Variants in PTPRM observed in about 807,000 individuals in gnomAD.
The protein encoded by PTPRM is protein tyrosine phosphatase receptor type M.
In PTPRM, 47 loss-of-function variants were observed where a neutral mutation model predicts 186.7. The observed-to-expected ratio is 0.25, with a 90% CI of 0.20 to 0.32. The LOEUF (loss-of-function observed/expected upper bound fraction) is 0.32, where lower values mean the gene tolerates loss of function less well. Ranked by LOEUF, PTPRM falls within the 10% of genes least tolerant of loss-of-function variation. The pLI, the probability that PTPRM is intolerant of heterozygous loss-of-function variation, is 1.00. For synonymous variants in PTPRM, 668 were observed against 674.9 expected, an observed-to-expected ratio of 0.99 and a Z score of 0.16; for missense variants, 1,494 against 1,865.0, an observed-to-expected ratio of 0.80 and a Z score of 3.66.
At chr18:8,103,282 C>T (rs901510010) in intron 11 of PTPRM, among the ~76,000 whole-genome samples, 1 of 152,192 alleles carries the variant, frequency 6.6e-6, no homozygotes, top group African/African-American at 2.4e-5. Context: ...TCCTCTTCAG[C>T]TATGAAAGTC....
intron 20 of PTPRM, among the ~76,000 whole-genome samples, chr18:8,299,634 C>T (rs2095134625): frequency 6.6e-6 from 1 of 152,084 alleles, no homozygotes; most frequent in Non-Finnish European, 1.5e-5. Flanking sequence ...AGATACTGCC[C>T]TCCTAGTAGT....
At chr18:7,640,233 A>T (rs16952280) in intron 1 of PTPRM, among the ~76,000 whole-genome samples, 1 of 152,194 alleles carries the variant, frequency 6.6e-6, no homozygotes, top group African/African-American at 2.4e-5. Flanking sequence ...CAGTACAGGT[A>T]GGCAGAACTT....
At chr18:8,224,645 T>C (rs1171010208) in intron 14 of PTPRM, among the ~76,000 whole-genome samples, 1 of 152,212 alleles carries the variant, frequency 6.6e-6, no homozygotes, top group Admixed American at 6.5e-5. Context: ...CTTGATTCAT[T>C]TGTGACCCAG....
chr18:7,892,224 C>G (rs959332784), intron 3 of PTPRM, among the ~76,000 whole-genome samples: 1 of 152,158 alleles, frequency 6.6e-6, no homozygotes, highest in African/African-American at 2.4e-5. Context: ...TTTCTTGAGA[C>G]CATCACAGCC....
At chr18:8,077,249 C>T (rs763507269) in intron 9 of PTPRM, among the ~76,000 whole-genome samples, 2 of 151,976 alleles carry the variant, frequency 1.3e-5, no homozygotes, top group Non-Finnish European at 2.9e-5. Flanking sequence ...TATTTGAATG[C>T]AAATTCCACA....
chr18:7,677,925 T>C (rs1245592841), intron 1 of PTPRM, among the ~76,000 whole-genome samples: 1 of 152,164 alleles, frequency 6.6e-6, no homozygotes, highest in Non-Finnish European at 1.5e-5. Flanking sequence ...TTATCATCTC[T>C]GCCCTAGGTG....
intron 7 of PTPRM, among the ~76,000 whole-genome samples, chr18:7,987,328 T>A (rs150520873): frequency 1.1e-3 from 174 of 152,332 alleles, no homozygotes; most frequent in African/African-American, 3.9e-3. Flanking sequence ...TGTTAGTGGG[T>A]TGAAGCTGGC....
At chr18:8,238,680 T>G (rs898512963) in intron 14 of PTPRM, among the ~76,000 whole-genome samples, 7 of 142,012 alleles carry the variant, frequency 4.9e-5, no homozygotes, top group South Asian at 2.4e-4. Flanking sequence ...TTTTTTTTTT[T>G]TTTTGCGAAG....
intron 15 of PTPRM, among the ~76,000 whole-genome samples, chr18:8,246,567 C>T (rs2094478381): frequency 1.3e-5 from 2 of 152,100 alleles, no homozygotes; most frequent in Admixed American, 1.3e-4. Context: ...CTTTACCAAC[C>T]ACATAAAAAT....
chr18:8,311,671 A>G (rs1352516664), intron 20 of PTPRM, among the ~76,000 whole-genome samples: 1 of 152,230 alleles, frequency 6.6e-6, no homozygotes, highest in South Asian at 2.1e-4. Context: ...AGTCAACTGT[A>G]CATGTGTCTT....
At position 8,335,062 on chromosome 18, in the gene PTPRM, G is replaced by A. The variant is rs75899058; in HGVS notation, c.2957-8361G>A. ...TTTCCCGAGCTTTGATTCTAAAACC[G>A]GAACTTTCCTTAGTCATGTTTTTTA... On this transcript the variant is annotated intron_variant, in intron 22 of 32. Transcript: ENST00000580170. Among the ~76,000 whole-genome samples, 35 of 152,196 alleles carry A rather than the reference G, an allele frequency of 2.3e-4. 1 individual carries two copies. The East Asian group carries it at 2.5e-3, about 11-fold the overall frequency.
At chr18:8,265,049 G>A (rs2094684702) in intron 19 of PTPRM, among the ~76,000 whole-genome samples, 2 of 152,178 alleles carry the variant, frequency 1.3e-5, no homozygotes, top group African/African-American at 4.8e-5. Flanking sequence ...TTTTATTGAT[G>A]TGACTTGTGA....
intron 14 of PTPRM, among the ~76,000 whole-genome samples, chr18:8,203,549 A>G (rs1280080997): frequency 1.3e-5 from 2 of 152,232 alleles, no homozygotes; most frequent in Admixed American, 6.5e-5. Flanking sequence ...GTAGATATGC[A>G]TATATATTAG....
intron 17 of PTPRM, among the ~76,000 whole-genome samples, chr18:8,249,410 C>T (rs763491523): frequency 6.6e-6 from 1 of 152,142 alleles, no homozygotes. Context: ...CCTCCCTGCC[C>T]ACACACTTTT....
At chr18:8,071,447 T>C (rs548572402) in intron 8 of PTPRM, among the ~76,000 whole-genome samples, 1 of 152,358 alleles carries the variant, frequency 6.6e-6, no homozygotes, top group Non-Finnish European at 1.5e-5. Context: ...TTTTCTATTC[T>C]AATGTCCCCC....
intron 7 of PTPRM, among the ~76,000 whole-genome samples, chr18:7,989,281 A>G (rs1307255419): frequency 6.6e-6 from 1 of 152,064 alleles, no homozygotes; most frequent in East Asian, 1.9e-4. Context: ...GTACCAAACC[A>G]TGGGCAGTAT....
intron 7 of PTPRM, among the ~76,000 whole-genome samples, chr18:8,064,689 A>G (rs772049629): frequency 2.6e-5 from 4 of 152,190 alleles, no homozygotes; most frequent in Admixed American, 6.5e-5. Flanking sequence ...TATCCCAGCA[A>G]TTTCAGCTTG....
chr18:8,056,115 A>T (rs2087910833), intron 7 of PTPRM, among the ~76,000 whole-genome samples: 1 of 152,064 alleles, frequency 6.6e-6, no homozygotes, highest in African/African-American at 2.4e-5. Flanking sequence ...TACTTTATGG[A>T]TGTATTCTTC....
chr18:7,655,073 C>T (rs1470646315), intron 1 of PTPRM, among the ~76,000 whole-genome samples: 3 of 152,136 alleles, frequency 2.0e-5, no homozygotes, highest in Non-Finnish European at 4.4e-5. Flanking sequence ...ATTGATTCTT[C>T]ATATTCAGGA....
Sources: allele counts gnomAD v4.1 joint callset (sites outside exome capture counted in the v4.1 genomes callset), GRCh38; gene constraint gnomAD v4.1.1; transcripts MANE v1.5; gene names NCBI Gene and HGNC (gene_info 2026-07-23, HGNC 2026-07-21).